OSBPL3: variants seen among roughly 807,000 people sequenced by gnomAD.
OSBPL3 encodes the protein oxysterol binding protein like 3.
A neutral mutation model predicts 120.1 loss-of-function variants in OSBPL3; 65 were observed. The observed-to-expected ratio is 0.54, with a 90% CI of 0.44 to 0.67. The LOEUF (loss-of-function observed/expected upper bound fraction) is 0.67. Among genes scored for constraint, OSBPL3 ranks in the 30% least tolerant of loss-of-function variants. The pLI is 0.00. For missense variants in OSBPL3, 1,004 were observed against 1,082.1 expected, an observed-to-expected ratio of 0.93 and a Z score of 1.01; for synonymous variants, 416 against 402.6, an observed-to-expected ratio of 1.03 and a Z score of -0.40.
rs1027267161 is a variant in OSBPL3, at chr7:24,821,297, G to A, written c.1885-1059C>T. 3.3e-5 allele frequency among the ~76,000 whole-genome samples: 5 copies of A among 152,198 alleles called. No homozygotes were observed. Among genetic ancestry groups the A allele is most frequent in the Admixed American group, 2.0e-4 (3 of 15,284 alleles). On this transcript the variant is annotated intron_variant, in intron 16 of 22. Transcript: ENST00000313367. The surrounding 1 kb of genome is among the most constrained non-coding windows in gnomAD (Gnocchi z 5.5). ...AGGGAAGAGGTAGCGGTAAGTCCCA[G>A]CAGTTTTGGTTTACCTCACTGGTTT...
Position 24,899,603 on chromosome 7 carries a change from T to C in OSBPL3, c.-149-6982A>G, listed in dbSNP as rs181527562. On this transcript the variant is annotated intron_variant, in intron 1 of 22. Coordinates refer to ENST00000313367, the MANE Select transcript of OSBPL3 (RefSeq NM_015550.4). This position sits in a 1 kb window ranked among gnomAD's most constrained non-coding sequence, Gnocchi z 4.0. ...ACATAGATTGCACAGGCATATGAAATCTATACTCACCCAAGTAAATTATAC... is the reference window on the plus strand; with the variant it reads ...ACATAGATTGCACAGGCATATGAAACCTATACTCACCCAAGTAAATTATAC... 4.6e-5 allele frequency among the ~76,000 whole-genome samples: 7 copies of C among 152,302 alleles called. No homozygotes were observed. In the East Asian group the frequency reaches 1.4e-3, roughly 29 times the overall value.
At chr7:24,850,584 T>A (rs1219702304) in intron 11 of OSBPL3, among the ~76,000 whole-genome samples, 2 of 152,188 alleles carry the variant, frequency 1.3e-5, no homozygotes, top group South Asian at 2.1e-4. Flanking sequence ...CTGCAGAGCA[T>A]ATGGGTTATT....
Position 24,818,811 on chromosome 7 carries a change from G to A in OSBPL3, c.1948+1364C>T, listed in dbSNP as rs1210113419. 6.6e-6 allele frequency among the ~76,000 whole-genome samples: 1 copy of A among 152,184 alleles called. No homozygotes were observed. The highest frequency in any genetic ancestry group is 1.5e-5 in the Non-Finnish European group (1 of 68,026). On this transcript the variant is annotated intron_variant, in intron 17 of 22. Transcript: ENST00000313367. The surrounding 1 kb of genome is among the most constrained non-coding windows in gnomAD (Gnocchi z 4.0). ...GGCTGGGTTACAAAGCAAGATTTGG[G>A]AATCCTAGGCCCATGGAAATAGGTA... is the stretch of plus-strand genomic sequence containing the variant.
At chr7:24,844,163 T>A (rs192479711) in intron 12 of OSBPL3, among the ~76,000 whole-genome samples, 1 of 152,250 alleles carries the variant, frequency 6.6e-6, no homozygotes, top group East Asian at 1.9e-4. Context: ...AGGACCTCAT[T>A]TGCTAAAATA....
In OSBPL3 at chr7:24,802,099, C is replaced by G. The variant is rs1410663655; in HGVS notation, c.2568-1820G>C. On this transcript the variant is annotated intron_variant, in intron 22 of 22. Coordinates refer to ENST00000313367, the MANE Select transcript of OSBPL3 (RefSeq NM_015550.4). This position sits in a 1 kb window ranked among gnomAD's most constrained non-coding sequence, Gnocchi z 4.1. Reference sequence around the variant, plus strand: ...AGTGGAGTGTGCCTGTTTTCCTACACTCTCAGGAATGTAGATTTTTATCAC... The same window carrying G: ...AGTGGAGTGTGCCTGTTTTCCTACAGTCTCAGGAATGTAGATTTTTATCAC... Among the ~76,000 whole-genome samples the G allele has an allele frequency of 6.6e-6, 1 of 152,156 alleles. No homozygotes were observed. Among genetic ancestry groups the G allele is most frequent in the Non-Finnish European group, 1.5e-5 (1 of 68,034 alleles).
chr7:24,816,568 C>A, intron 18 of OSBPL3, 42 bp downstream of exon 18: 1 of 1,442,428 alleles, frequency 6.9e-7, no homozygotes, highest in Non-Finnish European at 9.8e-7. Flanking sequence ...AATCTTGGCC[C>A]TAAATTCCAT....
intron 2 of OSBPL3, among the ~76,000 whole-genome samples, chr7:24,886,478 G>A (rs1045848239): frequency 2.6e-5 from 4 of 152,222 alleles, no homozygotes; most frequent in Non-Finnish European, 5.9e-5. Flanking sequence ...TGGAGTGGAA[G>A]AGCTTAAGAA....
At chr7:24,840,261 G>A (rs1346121537) in intron 14 of OSBPL3, among the ~76,000 whole-genome samples, 2 of 151,994 alleles carry the variant, frequency 1.3e-5, no homozygotes, top group Admixed American at 6.6e-5. Flanking sequence ...GGTTTGAACC[G>A]CATCAGTCCA....
intron 1 of OSBPL3, among the ~76,000 whole-genome samples, chr7:24,929,142 C>T (rs1811470694): frequency 6.6e-6 from 1 of 152,200 alleles, no homozygotes; most frequent in Admixed American, 6.5e-5. Flanking sequence ...TCCTAGCCAA[C>T]ATTTGCTATT....
At chr7:24,841,108 T>C (rs1206470591) in intron 13 of OSBPL3, among the ~76,000 whole-genome samples, 1 of 152,210 alleles carries the variant, frequency 6.6e-6, no homozygotes, top group African/African-American at 2.4e-5. Flanking sequence ...ACAATTTGTC[T>C]TTGAGCTATT....
At position 24,863,355 on chromosome 7, in the gene OSBPL3, T is replaced by C; in HGVS notation, c.778-63A>G. ...AGTCCACCAAACCGACAAGGATAAATGCATAGCAAAGTGACCACCTCCATC... is the reference window on the plus strand; with the variant it reads ...AGTCCACCAAACCGACAAGGATAAACGCATAGCAAAGTGACCACCTCCATC... On this transcript the variant is annotated intron_variant, in intron 8 of 22. Coordinates refer to ENST00000313367, the MANE Select transcript of OSBPL3 (RefSeq NM_015550.4). This position sits in a 1 kb window ranked among gnomAD's most constrained non-coding sequence, Gnocchi z 5.8. 1 of 1,479,166 alleles carries C rather than the reference T, an allele frequency of 6.8e-7. No homozygotes were observed. Among genetic ancestry groups the C allele is most frequent in the Non-Finnish European group, 9.5e-7 (1 of 1,057,088 alleles). The allele number at this position is 1,479,166 out of a possible 1,614,324, so 91.6% of individuals were successfully genotyped here. A position where few individuals can be genotyped will look rare whatever the true frequency, so the allele number is the denominator to read the frequency against.
At chr7:24,864,757 T>G (rs1159549972) in intron 7 of OSBPL3, among the ~76,000 whole-genome samples, 1 of 152,182 alleles carries the variant, frequency 6.6e-6, no homozygotes, top group Non-Finnish European at 1.5e-5. Context: ...GTTCCCTAAG[T>G]CAGTCTTAGC....
chr7:24,946,207 C>G lies in OSBPL3; in HGVS notation c.-150+33679G>C, dbSNP rs144115789. On this transcript the variant is annotated intron_variant, in intron 1 of 22. Transcript: ENST00000313367. This position sits in a 1 kb window ranked among gnomAD's most constrained non-coding sequence, Gnocchi z 4.3. ...ACACATGGTTTCTCCAGCATAGAAT[C>G]TCAGAGTAGCCATACTTCTACTTGG... 6.6e-6 allele frequency among the ~76,000 whole-genome samples: 1 copy of G among 152,286 alleles called. No homozygotes were observed. The highest frequency in any genetic ancestry group is 1.5e-5 in the Non-Finnish European group (1 of 68,026).
chr7:24,889,085 T>C lies in OSBPL3; in HGVS notation c.96+3292A>G, dbSNP rs139748384. 2.3e-4 allele frequency among the ~76,000 whole-genome samples: 35 copies of C among 152,316 alleles called. 1 individual carries two copies. In the East Asian group the frequency reaches 6.7e-3, roughly 29 times the overall value. On this transcript the variant is annotated intron_variant, in intron 2 of 22. Coordinates refer to ENST00000313367, the MANE Select transcript of OSBPL3 (RefSeq NM_015550.4). ...AAGTTATAAACATGTAGGGCTCCTT[T>C]GTGTCTGTGTGATAAAGAAACAAGA...
At chr7:24,861,900 T>G (rs10951031) in intron 9 of OSBPL3, 131 bp from the exon 10 acceptor site, 45,384 of 384,966 alleles carry the variant, frequency 0.12, 4,951 homozygotes, top group East Asian at 0.39. Flanking sequence ...TTTTTTTTTT[T>G]GGGGGGGATG....
At chr7:24,971,975 T>C (rs187682239) in intron 1 of OSBPL3, among the ~76,000 whole-genome samples, 1 of 152,318 alleles carries the variant, frequency 6.6e-6, no homozygotes, top group East Asian at 1.9e-4. Context: ...AAAACCCAAG[T>C]GGGCTTCCCT....
intron 12 of OSBPL3, 85 bp from the exon 13 acceptor site, chr7:24,842,498 C>A: frequency 9.6e-7 from 1 of 1,038,580 alleles, no homozygotes; most frequent in Non-Finnish European, 1.4e-6. Context: ...GTACAATACA[C>A]AAGGTCACAG....
intron 12 of OSBPL3, among the ~76,000 whole-genome samples, chr7:24,844,989 G>T (rs974355968): frequency 6.6e-6 from 1 of 152,134 alleles, no homozygotes; most frequent in Admixed American, 6.5e-5. Flanking sequence ...TAGTGTCACA[G>T]AGTAATAATA....
In OSBPL3 at chr7:24,871,746, G is replaced by C; in HGVS notation, c.263C>G (p.Thr88Ser). Reference sequence around the variant, plus strand: ...TGGGCCCACAAAAAGACTTACATCGGTTTGGCTCTTGGCATATTTCAAGAT... The same window carrying C: ...TGGGCCCACAAAAAGACTTACATCGCTTTGGCTCTTGGCATATTTCAAGAT... ...KGILKYAKSQ[T>S]DIEREKLHGC... Residue 88 changes from threonine (T) to serine (S), a missense_variant, in exon 4 of 23, where the codon ACC becomes AGC. By Grantham distance (58) the Thr-to-Ser change is moderately conservative (BLOSUM62 1). Coordinates refer to ENST00000313367, the MANE Select transcript of OSBPL3 (RefSeq NM_015550.4). This position sits in a 1 kb window ranked among gnomAD's most constrained non-coding sequence, Gnocchi z 4.8. 6.2e-7 allele frequency: 1 copy of C among 1,612,100 alleles called. No individual in the cohort carries two copies. The highest frequency in any genetic ancestry group is 1.7e-4 in the Middle Eastern group (1 of 6,054).
Sources: gnomAD v4.1 joint callset for allele counts (sites outside exome capture counted in the v4.1 genomes callset) on GRCh38, gnomAD v4.1.1 for gene constraint, Gnocchi (gnomAD v3.1) non-coding constraint, MANE v1.5 for transcripts, NCBI Gene and HGNC (gene_info 2026-07-23, HGNC 2026-07-21) for gene names.